Variants in MAST4 observed in about 807,000 individuals in gnomAD.
The protein encoded by MAST4 is microtubule-associated serine/threonine-protein kinase 4.
A neutral mutation model predicts 162.7 loss-of-function variants in MAST4; 89 were observed. The ratio of observed to expected loss-of-function variants is 0.55; its 90% CI spans 0.46 to 0.65. The LOEUF (loss-of-function observed/expected upper bound fraction) is 0.65. Among genes scored for constraint, MAST4 ranks in the 30% least tolerant of loss-of-function variants. The pLI is 0.00. For missense variants in MAST4, 3,153 were observed against 3,374.0 expected (o/e 0.93, Z 1.62); for synonymous variants, 1,479 against 1,361.1 (o/e 1.09, Z -1.91).
intron 4 of MAST4, among the ~76,000 whole-genome samples, chr5:67,018,373 A>T (rs1425350933): frequency 1.3e-5 from 2 of 152,120 alleles, no homozygotes; most frequent in Non-Finnish European, 2.9e-5. Flanking sequence ...TCCATAAAAA[A>T]TTTTAAACAT....
At chr5:66,936,670 G>A (rs1742783805) in intron 4 of MAST4, among the ~76,000 whole-genome samples, 2 of 152,210 alleles carry the variant, frequency 1.3e-5, no homozygotes, top group South Asian at 2.1e-4. Context: ...ATGTGTACAT[G>A]CAGGTCACAG....
chr5:66,864,555 A>G (rs1760354605), intron 3 of MAST4, among the ~76,000 whole-genome samples: 1 of 152,168 alleles, frequency 6.6e-6, no homozygotes, highest in African/African-American at 2.4e-5. Context: ...TTCCCTTGGT[A>G]GAATACAGAG....
At chr5:67,136,350 A>G (rs527474560) in intron 18 of MAST4, among the ~76,000 whole-genome samples, 4 of 152,354 alleles carry the variant, frequency 2.6e-5, no homozygotes, top group Admixed American at 6.5e-5. Context: ...TAAAAAATCT[A>G]TGCTACTTAT....
chr5:67,106,467 C>G (rs566627744), intron 10 of MAST4, among the ~76,000 whole-genome samples: 170 of 152,108 alleles, frequency 1.1e-3, no homozygotes, highest in Non-Finnish European at 2.1e-3. Context: ...ACTAGACTCC[C>G]TCTCTCCCTT....
chr5:67,083,661 CAG>C (rs1401643058), intron 5 of MAST4, among the ~76,000 whole-genome samples: 1 of 152,004 alleles, frequency 6.6e-6, no homozygotes, highest in African/African-American at 2.4e-5. Flanking sequence ...TTCTTTAACT[CAG>C]AGTTTTATCC....
Position 66,897,148 on chromosome 5 carries a change from C to T in MAST4, c.643-2803C>T, listed in dbSNP as rs541483598. Among the ~76,000 whole-genome samples the T allele has an allele frequency of 8.5e-5, 13 of 152,214 alleles. No individual in the cohort carries two copies. The South Asian group carries it at 2.7e-3, about 32-fold the overall frequency. ...GCATATTGTTTAGTTCAGATGGATA[C>T]TTCTTGCTGTTTTTTGCTTTTTTCC... On this transcript the variant is annotated intron_variant, in intron 3 of 28. Coordinates refer to ENST00000403625, the MANE Select transcript of MAST4 (RefSeq NM_001164664.2).
intron 5 of MAST4, among the ~76,000 whole-genome samples, chr5:67,075,589 T>A (rs1167625772): frequency 6.6e-6 from 1 of 152,150 alleles, no homozygotes; most frequent in South Asian, 2.1e-4. Flanking sequence ...GTCATCTTTA[T>A]CTTTTAGAAA....
rs773261936 is a variant in MAST4 at position 66,907,905 on chromosome 5, T to G, written c.674+7923T>G. On this transcript the variant is annotated intron_variant, in intron 4 of 28. Coordinates refer to ENST00000403625, the MANE Select transcript of MAST4 (RefSeq NM_001164664.2). ...TATTTGAATAAATTTTAAAATAAAT[T>G]TAGTTTTCTTCTTAGCATTTTCTGT... 7.2e-5 allele frequency among the ~76,000 whole-genome samples: 11 copies of G among 152,132 alleles called. 1 individual carries two copies. The highest frequency in any genetic ancestry group is 4.1e-4 in the South Asian group (2 of 4,830).
At chr5:67,015,349 C>T (rs1753153852) in intron 4 of MAST4, among the ~76,000 whole-genome samples, 2 of 152,188 alleles carry the variant, frequency 1.3e-5, no homozygotes, top group Non-Finnish European at 2.9e-5. Flanking sequence ...GTGTGTCCAG[C>T]AGGCAGTGGC....
chr5:66,908,392 A>C (rs373343861), intron 4 of MAST4, among the ~76,000 whole-genome samples: 3 of 152,226 alleles, frequency 2.0e-5, no homozygotes, highest in African/African-American at 7.2e-5. Flanking sequence ...TGCATTGCCA[A>C]ACACCCTTGG....
chr5:67,169,310 G>T lies in MAST4; in HGVS notation c.*2259G>T, dbSNP rs1350243925. 6.6e-6 allele frequency: 1 copy of T among 152,156 alleles called. No homozygotes were observed. The highest frequency in any genetic ancestry group is 1.5e-5 in the Non-Finnish European group (1 of 68,026). The allele number at this position is 152,156 out of a possible 1,614,324, so 9.4% of individuals were successfully genotyped here. A position where few individuals can be genotyped will look rare whatever the true frequency, so the allele number is the denominator to read the frequency against. On this transcript the variant is annotated 3_prime_UTR_variant, in exon 29 of 29. Transcript: ENST00000403625. ...AAAGAGTACTTAAGGTTGCATTCAT[G>T]TATTACATGTTTGTTGTTGTAAACC...
At chr5:66,758,896 T>G (rs947807786) in intron 1 of MAST4, among the ~76,000 whole-genome samples, 3 of 152,180 alleles carry the variant, frequency 2.0e-5, no homozygotes, top group Non-Finnish European at 1.5e-5. Flanking sequence ...ATGAAAATTT[T>G]TGTCCTTTGC....
chr5:66,832,317 C>T (rs538628095), intron 3 of MAST4, among the ~76,000 whole-genome samples: 3 of 152,210 alleles, frequency 2.0e-5, no homozygotes, highest in East Asian at 1.9e-4. Context: ...TAAACATCAA[C>T]GAAAAGCAAT....
At chr5:66,980,275 T>A (rs1748631763) in intron 4 of MAST4, among the ~76,000 whole-genome samples, 1 of 152,200 alleles carries the variant, frequency 6.6e-6, no homozygotes, top group South Asian at 2.1e-4. Context: ...GCCTCACACT[T>A]GGCTGTGTGT....
At chr5:66,810,059 C>G (rs891652280) in intron 3 of MAST4, among the ~76,000 whole-genome samples, 1 of 152,204 alleles carries the variant, frequency 6.6e-6, no homozygotes, top group Non-Finnish European at 1.5e-5. Context: ...TATAAATTGT[C>G]TGACCAGTCC....
intron 3 of MAST4, among the ~76,000 whole-genome samples, chr5:66,829,588 A>G (rs533531896): frequency 2.2e-4 from 33 of 152,276 alleles, no homozygotes; most frequent in Admixed American, 2.0e-4. Flanking sequence ...GAACATAAGT[A>G]TGTTCAACAT....
chr5:66,689,712 A>G (rs1005782866), intron 1 of MAST4, among the ~76,000 whole-genome samples: 2 of 152,174 alleles, frequency 1.3e-5, no homozygotes, highest in East Asian at 3.9e-4. Context: ...TAACATCTCC[A>G]GTGACTATGT....
At chr5:66,941,974 CTGTT>C (rs1743421352) in intron 4 of MAST4, among the ~76,000 whole-genome samples, 1 of 152,074 alleles carries the variant, frequency 6.6e-6, no homozygotes, top group South Asian at 2.1e-4. Flanking sequence ...TTATATGACA[CTGTT>C]TGTGGTGCCC....
At chr5:66,945,302 T>G (rs930321811) in intron 4 of MAST4, among the ~76,000 whole-genome samples, 2 of 152,136 alleles carry the variant, frequency 1.3e-5, no homozygotes, top group Non-Finnish European at 2.9e-5. Context: ...TGGTTTTTCC[T>G]AAGCAGTTAA....
Sources: allele counts gnomAD v4.1 joint callset (sites outside exome capture counted in the v4.1 genomes callset), GRCh38; gene constraint gnomAD v4.1.1; transcripts MANE v1.5; gene names NCBI Gene and HGNC (gene_info 2026-07-23, HGNC 2026-07-21).